Variants in ZNF804A observed in about 807,000 individuals in gnomAD.
The protein encoded by ZNF804A is zinc finger protein 804A.
A neutral mutation model predicts 16.5 loss-of-function variants in ZNF804A; 2 were observed. The ratio of observed to expected loss-of-function variants is 0.12; its 90% CI spans 0.05 to 0.38. ZNF804A has a LOEUF of 0.38. Ranked by LOEUF, ZNF804A falls within the 10% of genes least tolerant of loss-of-function variation. ZNF804A has a pLI of 0.99. For synonymous variants in ZNF804A, 534 were observed against 489.6 expected (o/e 1.09, Z -1.20); for missense variants, 1,473 against 1,390.7 (o/e 1.06, Z -0.94).
At chr2:184,800,151 G>A (rs1376020340) in intron 1 of ZNF804A, among the ~76,000 whole-genome samples, 1 of 151,908 alleles carries the variant, frequency 6.6e-6, no homozygotes, top group Non-Finnish European at 1.5e-5. Context: ...TCTCATATAT[G>A]TAACTTGTGT....
chr2:184,873,850 T>C (rs569505702), intron 2 of ZNF804A, among the ~76,000 whole-genome samples: 8 of 152,268 alleles, frequency 5.3e-5, no homozygotes, highest in Admixed American at 2.0e-4. Context: ...TGTGGATGAA[T>C]AGAAAATATT....
chr2:184,913,836 C>A (rs1328154935), intron 2 of ZNF804A, among the ~76,000 whole-genome samples: 1 of 152,146 alleles, frequency 6.6e-6, no homozygotes, highest in Non-Finnish European at 1.5e-5. Flanking sequence ...TACTCATGTG[C>A]CTGCATGACT....
At chr2:184,650,377 G>A (rs750756048) in intron 1 of ZNF804A, among the ~76,000 whole-genome samples, 1 of 152,108 alleles carries the variant, frequency 6.6e-6, no homozygotes, top group African/African-American at 2.4e-5. Context: ...AAAACTGGAA[G>A]CATTCTCCTG....
chr2:184,821,343 G>A (rs1448714795), intron 1 of ZNF804A, among the ~76,000 whole-genome samples: 1 of 152,062 alleles, frequency 6.6e-6, no homozygotes, highest in African/African-American at 2.4e-5. Context: ...AATGGTGCTG[G>A]GAGAACTGGC....
chr2:184,790,725 T>C (rs1486438278), intron 1 of ZNF804A, among the ~76,000 whole-genome samples: 1 of 152,060 alleles, frequency 6.6e-6, no homozygotes, highest in African/African-American at 2.4e-5. Context: ...TGCCTCAGCC[T>C]CCAGAGCAGC....
At chr2:184,767,076 G>A (rs931448882) in intron 1 of ZNF804A, among the ~76,000 whole-genome samples, 2 of 152,130 alleles carry the variant, frequency 1.3e-5, no homozygotes, top group African/African-American at 4.8e-5. Context: ...TTAGAAGAAT[G>A]TAACCTTAAC....
intron 2 of ZNF804A, among the ~76,000 whole-genome samples, chr2:184,882,012 C>A (rs1684816473): frequency 6.6e-6 from 1 of 151,952 alleles, no homozygotes; most frequent in South Asian, 2.1e-4. Context: ...GGATAAAAAG[C>A]AAGACCCAGT....
intron 1 of ZNF804A, among the ~76,000 whole-genome samples, chr2:184,812,294 T>G (rs1013083691): frequency 6.6e-6 from 1 of 152,158 alleles, no homozygotes; most frequent in Non-Finnish European, 1.5e-5. Flanking sequence ...GGATATTCTG[T>G]GAAATCTGGT....
chr2:184,831,544 T>C (rs72905730), intron 1 of ZNF804A, among the ~76,000 whole-genome samples: 7,663 of 152,116 alleles, frequency 0.05, 253 homozygotes, highest in Middle Eastern at 0.078. Flanking sequence ...CAGTGTTGCT[T>C]GAGAACACCT....
chr2:184,645,127 ATC>A (rs1210336184), intron 1 of ZNF804A, among the ~76,000 whole-genome samples: 1 of 152,126 alleles, frequency 6.6e-6, no homozygotes, highest in Non-Finnish European at 1.5e-5. Flanking sequence ...AATGTAAGAT[ATC>A]TCTTACATAT....
At chr2:184,836,719 C>T (rs900089345) in intron 1 of ZNF804A, among the ~76,000 whole-genome samples, 5 of 150,120 alleles carry the variant, frequency 3.3e-5, no homozygotes, top group Non-Finnish European at 5.9e-5. Flanking sequence ...TGATAGACTC[C>T]CTCATCTCTT....
rs1240428300 is a variant in ZNF804A, at chr2:184,661,830, T to C, written c.111+62760T>C. 3.3e-5 allele frequency among the ~76,000 whole-genome samples: 5 copies of C among 152,344 alleles called. No individual in the cohort carries two copies. In the East Asian group the frequency reaches 9.7e-4, roughly 29 times the overall value. The stretch of plus-strand genomic sequence containing the variant: ...CTCTCAAGATGATATAAGTTATTAT[T>C]AAATTTTAACATGTTATTTGAAACT... On this transcript the variant is annotated intron_variant, in intron 1 of 3. Transcript: ENST00000302277.
chr2:184,802,759 C>T (rs1417379310), intron 1 of ZNF804A, among the ~76,000 whole-genome samples: 1 of 152,168 alleles, frequency 6.6e-6, no homozygotes, highest in Admixed American at 6.5e-5. Context: ...AATAAGAATT[C>T]CCTGCTCATA....
intron 1 of ZNF804A, among the ~76,000 whole-genome samples, chr2:184,716,502 C>T (rs1211482861): frequency 6.6e-6 from 1 of 152,034 alleles, no homozygotes; most frequent in African/African-American, 2.4e-5. Context: ...GTAAGTGTTA[C>T]AGTAATTTAT....
chr2:184,826,945 T>C (rs1403713411), intron 1 of ZNF804A, among the ~76,000 whole-genome samples: 1 of 152,078 alleles, frequency 6.6e-6, no homozygotes, highest in African/African-American at 2.4e-5. Context: ...CATTTTATCA[T>C]GTGTATTCTT....
intron 1 of ZNF804A, among the ~76,000 whole-genome samples, chr2:184,843,509 G>A (rs1033150541): frequency 6.6e-6 from 1 of 151,840 alleles, no homozygotes; most frequent in Non-Finnish European, 1.5e-5. Flanking sequence ...CCTGACCTCA[G>A]GTGATCCACC....
At chr2:184,927,928 A>G (rs998111135) in intron 2 of ZNF804A, among the ~76,000 whole-genome samples, 1 of 152,036 alleles carries the variant, frequency 6.6e-6, no homozygotes, top group African/African-American at 2.4e-5. Context: ...CAAAAGCCAA[A>G]TCCTGGATTC....
intron 1 of ZNF804A, among the ~76,000 whole-genome samples, chr2:184,767,444 G>A (rs1311583611): frequency 6.6e-6 from 1 of 152,138 alleles, no homozygotes; most frequent in Non-Finnish European, 1.5e-5. Flanking sequence ...CGGGTTTGTG[G>A]AAGGGGGAAA....
At chr2:184,643,388 T>C (rs1025606516) in intron 1 of ZNF804A, among the ~76,000 whole-genome samples, 1 of 151,978 alleles carries the variant, frequency 6.6e-6, no homozygotes, top group African/African-American at 2.4e-5. Flanking sequence ...TCTTTTCTCA[T>C]AGTAATGTTG....
Sources: allele counts gnomAD v4.1 joint callset (sites outside exome capture counted in the v4.1 genomes callset), GRCh38; gene constraint gnomAD v4.1.1; transcripts MANE v1.5; gene names NCBI Gene and HGNC (gene_info 2026-07-23, HGNC 2026-07-21).